Variants in DOCK4 observed in about 807,000 individuals in gnomAD.
The protein encoded by DOCK4 is dedicator of cytokinesis 4.
DOCK4 carries 97 observed loss-of-function variants against 268.1 expected under a neutral mutation model. The observed-to-expected ratio is 0.36, with a 90% CI of 0.31 to 0.43. DOCK4 has a LOEUF of 0.43. Among genes scored for constraint, DOCK4 ranks in the 20% least tolerant of loss-of-function variants. The pLI is 1.00. For missense variants in DOCK4, 2,145 were observed against 2,455.7 expected, an observed-to-expected ratio of 0.87 and a Z score of 2.67; for synonymous variants, 954 against 887.2, an observed-to-expected ratio of 1.08 and a Z score of -1.34.
intron 1 of DOCK4, among the ~76,000 whole-genome samples, chr7:112,048,998 G>A (rs1259565389): frequency 2.0e-5 from 3 of 152,046 alleles, no homozygotes; most frequent in African/African-American, 7.2e-5. Context: ...ACATACAAAG[G>A]CTGAAAGAAT....
chr7:111,988,533 A>C (rs968311925), intron 6 of DOCK4, among the ~76,000 whole-genome samples: 1 of 152,214 alleles, frequency 6.6e-6, no homozygotes, highest in African/African-American at 2.4e-5. Flanking sequence ...TATGTACAGG[A>C]CTAATCACAG....
intron 8 of DOCK4, among the ~76,000 whole-genome samples, chr7:111,956,405 T>G (rs1785763715): frequency 6.6e-6 from 1 of 152,202 alleles, no homozygotes; most frequent in African/African-American, 2.4e-5. Context: ...ATGCATTTAC[T>G]ATCTTAGAGA....
At chr7:111,941,301 A>G (rs1220252971) in intron 10 of DOCK4, among the ~76,000 whole-genome samples, 1 of 152,214 alleles carries the variant, frequency 6.6e-6, no homozygotes, top group African/African-American at 2.4e-5. Flanking sequence ...TTCACTCTAC[A>G]TAATTTTAAT....
chr7:111,783,011 AAAGAAAG>A, intron 34 of DOCK4, 87 bp from the exon 35 acceptor site: 2 of 1,161,568 alleles, frequency 1.7e-6, no homozygotes, highest in South Asian at 1.4e-5. Context: ...AAAAAGAAAG[AAAGAAAG>A]AAAAAAAAAA....
intron 27 of DOCK4, among the ~76,000 whole-genome samples, chr7:111,818,821 T>A (rs565474226): frequency 2.0e-5 from 3 of 152,238 alleles, no homozygotes; most frequent in Admixed American, 1.3e-4. Flanking sequence ...TACCTACTGA[T>A]AGAATCATTA....
chr7:111,763,999 T>A (rs1797617159), intron 39 of DOCK4, among the ~76,000 whole-genome samples: 2 of 152,334 alleles, frequency 1.3e-5, no homozygotes, highest in South Asian at 4.1e-4. Flanking sequence ...CTGCTGTTTT[T>A]GATCAGGAAT....
At chr7:111,997,877 G>A (rs1800095793) in intron 4 of DOCK4, among the ~76,000 whole-genome samples, 1 of 152,098 alleles carries the variant, frequency 6.6e-6, no homozygotes, top group Admixed American at 6.6e-5. Flanking sequence ...TAAAGTGACT[G>A]CCACTTCAAA....
chr7:111,879,013 C>T (rs1434578709), intron 16 of DOCK4, among the ~76,000 whole-genome samples: 3 of 151,998 alleles, frequency 2.0e-5, no homozygotes, highest in Non-Finnish European at 4.4e-5. Flanking sequence ...AATAGTAAAT[C>T]TGGCACAATC....
rs1293098429 is a variant in DOCK4 at position 111,732,239 on chromosome 7, C to T, written c.5468G>A (p.Arg1823Gln). Residue 1823 changes from arginine (R) to glutamine (Q), a missense_variant, in exon 52 of 53, where the codon CGA becomes CAA. By Grantham distance (43) the Arg-to-Gln change is conservative (BLOSUM62 1). Transcript: ENST00000428084. Reference protein sequence around the residue: ...TTSVSPSPAGRSPLKGSVQSF... With the variant: ...TTSVSPSPAGQSPLKGSVQSF... ...AAGGGCCTTTACCTTCAATGGAGAT[C>T]GCCCGGCAGGCGAGGGGGATACTGA... is the stretch of plus-strand genomic sequence containing the variant. The T allele has an allele frequency of 2.4e-5, 38 of 1,613,888 alleles. No homozygotes were observed. The highest frequency in any genetic ancestry group is 1.8e-4 in the East Asian group (8 of 44,888).
rs1794868784 is a variant in DOCK4, at chr7:111,728,934, G to A, written c.5482-214C>T. On this transcript the variant is annotated intron_variant, in intron 52 of 52. Coordinates refer to ENST00000428084, the MANE Select transcript of DOCK4 (RefSeq NM_001363540.2). ...ACTGGTGTCCTTATAAGAGACATTT[G>A]GACACACAGGGAGACGTCAGGAATG... is the stretch of plus-strand genomic sequence containing the variant. Among the ~76,000 whole-genome samples the A allele has an allele frequency of 2.0e-5, 3 of 152,142 alleles. No homozygotes were observed. In the South Asian group the frequency reaches 6.2e-4, roughly 32 times the overall value.
chr7:111,867,883 T>C (rs1250980786), intron 22 of DOCK4, 101 bp downstream of exon 22: 30 of 1,175,918 alleles, frequency 2.6e-5, no homozygotes, highest in East Asian at 8.7e-5. Flanking sequence ...ACTGGAGCAA[T>C]TGACTTCTGA....
intron 1 of DOCK4, among the ~76,000 whole-genome samples, chr7:112,007,252 T>C (rs1178320735): frequency 6.6e-6 from 1 of 152,126 alleles, no homozygotes; most frequent in African/African-American, 2.4e-5. Context: ...GAAGAGAAAC[T>C]ATTTCTCATT....
rs961599904 is a variant in DOCK4 at position 111,726,975 on chromosome 7, T to C, written c.*1299A>G. 2.0e-5 allele frequency: 3 copies of C among 152,590 alleles called. No homozygotes were observed. Among genetic ancestry groups the C allele is most frequent in the African/African-American group, 7.2e-5 (3 of 41,462 alleles). The allele number at this position is 152,590 out of a possible 1,614,324, so 9.5% of individuals were successfully genotyped here. On this transcript the variant is annotated 3_prime_UTR_variant, in exon 53 of 53. Transcript: ENST00000428084. ...CAAACATGGTTAAACTAAAATGAGCTTCCCAACAAAAGAGGGAAAATATTT... is the reference window on the plus strand; with the variant it reads ...CAAACATGGTTAAACTAAAATGAGCCTCCCAACAAAAGAGGGAAAATATTT...
intron 30 of DOCK4, among the ~76,000 whole-genome samples, chr7:111,799,729 A>G (rs1800136136): frequency 6.6e-6 from 1 of 152,216 alleles, no homozygotes; most frequent in African/African-American, 2.4e-5. Context: ...AAAGTTCACC[A>G]CCAAATATTA....
intron 6 of DOCK4, among the ~76,000 whole-genome samples, chr7:111,987,014 A>G (rs1799105588): frequency 6.6e-6 from 1 of 152,228 alleles, no homozygotes; most frequent in Non-Finnish European, 1.5e-5. Flanking sequence ...TAAGAAAACA[A>G]ATGTATACTT....
chr7:111,994,249 A>G lies in DOCK4; in HGVS notation c.219-18T>C, dbSNP rs1275604711. 2 of 1,509,742 alleles carry G rather than the reference A, an allele frequency of 1.3e-6. No homozygotes were observed. Among genetic ancestry groups the G allele is most frequent in the East Asian group, 2.3e-5 (1 of 44,162 alleles). The allele number at this position is 1,509,742 out of a possible 1,614,324, so 93.5% of individuals were successfully genotyped here. A position where few individuals can be genotyped will look rare whatever the true frequency, so the allele number is the denominator to read the frequency against. On this transcript the variant is annotated intron_variant, in intron 4 of 52. Transcript: ENST00000428084. ...CAAATTGTCTGTGAAATTAAAAAAG[A>G]AAAAGTATATATGTAAATACCATAG...
chr7:112,134,702 C>G (rs539610687), intron 1 of DOCK4, among the ~76,000 whole-genome samples: 1 of 152,094 alleles, frequency 6.6e-6, no homozygotes, highest in Admixed American at 6.5e-5. Flanking sequence ...GGCGACAGAG[C>G]GAGACTCCAT....
intron 8 of DOCK4, among the ~76,000 whole-genome samples, chr7:111,957,222 T>C (rs550139317): frequency 2.0e-5 from 3 of 152,290 alleles, no homozygotes; most frequent in African/African-American, 7.2e-5. Context: ...AAAAATCGCA[T>C]ATTGGATACC....
intron 1 of DOCK4, among the ~76,000 whole-genome samples, chr7:112,151,928 C>T (rs965345871): frequency 6.8e-6 from 1 of 148,120 alleles, no homozygotes; most frequent in East Asian, 2.0e-4. Context: ...AATGTGGAAC[C>T]ATGTATTTTT....
Sources: gnomAD v4.1 joint callset for allele counts (sites outside exome capture counted in the v4.1 genomes callset) on GRCh38, gnomAD v4.1.1 for gene constraint, MANE v1.5 for transcripts, NCBI Gene and HGNC (gene_info 2026-07-23, HGNC 2026-07-21) for gene names.